Variants in DNMT1 observed in about 807,000 individuals in gnomAD.
DNMT1 encodes the protein DNA methyltransferase 1.
In DNMT1, 24 loss-of-function variants were observed where a neutral mutation model predicts 205.3. The observed-to-expected ratio is 0.12, with a 90% CI of 0.08 to 0.16. The LOEUF is 0.16. Ranked by LOEUF, DNMT1 falls within the 10% of genes least tolerant of loss-of-function variation. DNMT1 has a pLI of 1.00. For missense variants in DNMT1, 1,293 were observed against 2,177.7 expected, an observed-to-expected ratio of 0.59 and a Z score of 8.09; for synonymous variants, 817 against 839.8, an observed-to-expected ratio of 0.97 and a Z score of 0.47.
In DNMT1 at chr19:10,156,981, T is replaced by C. The variant is rs2145313874; in HGVS notation, c.1281-472A>G. 6.6e-6 allele frequency among the ~76,000 whole-genome samples: 1 copy of C among 152,294 alleles called. No individual in the cohort carries two copies. The highest frequency in any genetic ancestry group is 3.4e-3 in the Middle Eastern group (1 of 294). Reference sequence around the variant, plus strand: ...ACAGCGTTCTATCACCCAGAGTTTCTACCTTATTCTCCCACCTAAGCATCA... The same window carrying C: ...ACAGCGTTCTATCACCCAGAGTTTCCACCTTATTCTCCCACCTAAGCATCA... On this transcript the variant is annotated intron_variant, in intron 17 of 40. Coordinates refer to ENST00000359526, the MANE Select transcript of DNMT1 (RefSeq NM_001130823.3). This position sits in a 1 kb window ranked among gnomAD's most constrained non-coding sequence, Gnocchi z 4.2.
At chr19:10,181,949 A>C in intron 2 of DNMT1, 92 bp downstream of exon 2, 3 of 1,190,788 alleles carry the variant, frequency 2.5e-6, no homozygotes, top group Non-Finnish European at 3.7e-6. Context: ...AAAAAATGCA[A>C]AATCCATTTA....
chr19:10,139,841 A>G, intron 33 of DNMT1, 24 bp from the exon 34 acceptor site: 1 of 1,564,446 alleles, frequency 6.4e-7, no homozygotes, highest in Non-Finnish European at 8.7e-7. Context: ...GAGAGACTGC[A>G]GGAGTCACCT....
At position 10,183,017 on chromosome 19, in the gene DNMT1, ATATATATGTGTATATATACG is replaced by A. The variant is rs1176449812; in HGVS notation, c.81-960_81-941del. ...TACACGTATATGTGTGTATATATAC[ATATATATGTGTATATATACG>A]TATATATGTGTATACATACGTATAT... On this transcript the variant is annotated intron_variant, in intron 1 of 40. Coordinates refer to ENST00000359526, the MANE Select transcript of DNMT1 (RefSeq NM_001130823.3). 3.8e-4 allele frequency among the ~76,000 whole-genome samples: 57 copies of A among 150,418 alleles called. 2 individuals are homozygous for A. The East Asian group carries it at 7.9e-3, about 21-fold the overall frequency.
intron 10 of DNMT1, among the ~76,000 whole-genome samples, chr19:10,167,476 C>T (rs1013895806): frequency 1.3e-5 from 2 of 152,102 alleles, no homozygotes; most frequent in Non-Finnish European, 2.9e-5. Flanking sequence ...AGATTATAGG[C>T]GCGAGCTACT....
chr19:10,148,309 A>T (rs1026355672), intron 27 of DNMT1, among the ~76,000 whole-genome samples: 1 of 150,852 alleles, frequency 6.6e-6, no homozygotes, highest in Non-Finnish European at 1.5e-5. Flanking sequence ...ATCCTGGCTA[A>T]CACAGTGAAA....
chr19:10,173,772 A>C (rs2038875101), intron 8 of DNMT1, 99 bp downstream of exon 8: 1 of 1,331,526 alleles, frequency 7.5e-7, no homozygotes, highest in African/African-American at 1.4e-5. Flanking sequence ...GATTACAGGC[A>C]TGAGTCACCG....
At chr19:10,190,273 G>A (rs2039273924) in intron 1 of DNMT1, among the ~76,000 whole-genome samples, 1 of 152,156 alleles carries the variant, frequency 6.6e-6, no homozygotes. Flanking sequence ...TACAGGGGAA[G>A]AGCTGGCATG....
In DNMT1 at chr19:10,162,858, C is replaced by A. The variant is rs560800043; in HGVS notation, c.927-110G>T. 2.6e-5 allele frequency: 31 copies of A among 1,211,874 alleles called. No homozygotes were observed. In the South Asian group the frequency reaches 3.7e-4, roughly 15 times the overall value. 75.1% of individuals were successfully genotyped at this position (1,211,874 alleles called of 1,614,324 possible). Reference sequence around the variant, plus strand: ...GCCTCCCCATGGGAAAGCAAGATACCCATGGGAGCTCTATAGGCACACTGC... The same window carrying A: ...GCCTCCCCATGGGAAAGCAAGATACACATGGGAGCTCTATAGGCACACTGC... On this transcript the variant is annotated intron_variant, in intron 12 of 40. Coordinates refer to ENST00000359526, the MANE Select transcript of DNMT1 (RefSeq NM_001130823.3).
chr19:10,183,315 G>A (rs535246106), intron 1 of DNMT1, among the ~76,000 whole-genome samples: 3 of 151,444 alleles, frequency 2.0e-5, no homozygotes, highest in South Asian at 2.1e-4. Context: ...GGGTTTCTCC[G>A]TGTTGGTCAG....
At chr19:10,134,090 GGGC>G (rs2089428352) in intron 40 of DNMT1, 124 bp downstream of exon 40, 1 of 915,798 alleles carries the variant, frequency 1.1e-6, no homozygotes, top group Non-Finnish European at 1.8e-6. Flanking sequence ...GAGAAAGATG[GGGC>G]CACGAACGTG....
rs1599343704 is a variant in DNMT1 at position 10,138,333 on chromosome 19, C to T, written c.4115+106G>A. ...AGAGCACCGTGTGGCAGGGCAGATGCTGTACCATCCTCTCCTCCCCAAGCC... is the reference window on the plus strand; with the variant it reads ...AGAGCACCGTGTGGCAGGGCAGATGTTGTACCATCCTCTCCTCCCCAAGCC... On this transcript the variant is annotated intron_variant, in intron 35 of 40. Transcript: ENST00000359526. The surrounding 1 kb of genome is among the most constrained non-coding windows in gnomAD (Gnocchi z 4.1). 1.9e-6 allele frequency: 3 copies of T among 1,551,298 alleles called. No individual in the cohort carries two copies. In the African/African-American group the frequency reaches 4.1e-5, roughly 21 times the overall value.
At chr19:10,170,377 G>A (rs776858185) in intron 9 of DNMT1, among the ~76,000 whole-genome samples, 24 of 151,326 alleles carry the variant, frequency 1.6e-4, no homozygotes, top group Non-Finnish European at 2.9e-4. Flanking sequence ...AGTGGCTCAC[G>A]CCTGTAATCC....
intron 30 of DNMT1, 81 bp downstream of exon 30, chr19:10,141,947 G>A (rs1269363746): frequency 5.2e-6 from 8 of 1,532,256 alleles, no homozygotes; most frequent in Non-Finnish European, 7.1e-6. Flanking sequence ...CAGCCAAGCC[G>A]CCTTGTGTAT....
At chr19:10,150,005 T>C (rs758397761) in intron 24 of DNMT1, 37 bp from the exon 25 acceptor site, 1 of 1,586,026 alleles carries the variant, frequency 6.3e-7, no homozygotes. Context: ...AGGATCATTC[T>C]GAGGGTCTTT....
intron 37 of DNMT1, 149 bp from the exon 38 acceptor site, chr19:10,136,436 C>A: frequency 3.1e-6 from 3 of 977,468 alleles, no homozygotes; most frequent in Non-Finnish European, 4.7e-6. Flanking sequence ...GTTCTCTGGG[C>A]ACTGTTTTTA....
Position 10,180,764 on chromosome 19 carries a change from G to A in DNMT1, c.225+14C>T, listed in dbSNP as rs1256349650. On this transcript the variant is annotated intron_variant, in intron 3 of 40. Coordinates refer to ENST00000359526, the MANE Select transcript of DNMT1 (RefSeq NM_001130823.3). ...ACATTTTTCTAGAGGCTAGGATGCTGAGAACTGACTTACCTCGGATAATTC... is the reference window on the plus strand; with the variant it reads ...ACATTTTTCTAGAGGCTAGGATGCTAAGAACTGACTTACCTCGGATAATTC... 1 of 1,612,458 alleles carries A rather than the reference G, an allele frequency of 6.2e-7. No individual in the cohort carries two copies. The highest frequency in any genetic ancestry group is 1.1e-5 in the South Asian group (1 of 91,010).
Position 10,137,681 on chromosome 19 carries a change from G to A in DNMT1, c.4293+151C>T. 9.9e-6 allele frequency: 11 copies of A among 1,111,694 alleles called. No homozygotes were observed. Among genetic ancestry groups the A allele is most frequent in the Non-Finnish European group, 1.4e-5 (11 of 761,990 alleles). 68.9% of individuals were successfully genotyped at this position (1,111,694 alleles called of 1,614,324 possible). A position where few individuals can be genotyped will look rare whatever the true frequency, so the allele number is the denominator to read the frequency against. On this transcript the variant is annotated intron_variant, in intron 36 of 40. Transcript: ENST00000359526. The surrounding 1 kb of genome is among the most constrained non-coding windows in gnomAD (Gnocchi z 6.4). Reference sequence around the variant, plus strand: ...TGACACTTCCCATGACCATGCAAGAGAGACCAGGGGTCACACAAAGGCTGA... The same window carrying A: ...TGACACTTCCCATGACCATGCAAGAAAGACCAGGGGTCACACAAAGGCTGA...
intron 1 of DNMT1, among the ~76,000 whole-genome samples, chr19:10,193,045 T>A (rs2039331364): frequency 6.6e-6 from 1 of 152,034 alleles, no homozygotes; most frequent in Non-Finnish European, 1.5e-5. Flanking sequence ...AGACTCCATC[T>A]CAAACAAACA....
At chr19:10,194,553 G>A (rs1250325824) in intron 1 of DNMT1, 3 of 413,808 alleles carry the variant, frequency 7.2e-6, no homozygotes, top group Admixed American at 4.8e-5. Flanking sequence ...CTGTATTTGG[G>A]GATCAAAAGA....
Sources: allele counts gnomAD v4.1 joint callset (sites outside exome capture counted in the v4.1 genomes callset), GRCh38; gene constraint gnomAD v4.1.1; non-coding constraint Gnocchi (gnomAD v3.1); transcripts MANE v1.5; gene names NCBI Gene and HGNC (gene_info 2026-07-23, HGNC 2026-07-21).